PTPRN2: variants seen among roughly 807,000 people sequenced by gnomAD.
PTPRN2 encodes receptor-type tyrosine-protein phosphatase N2.
Under a neutral mutation model 118.8 loss-of-function variants are expected in PTPRN2, and 74 were observed. The observed-to-expected ratio is 0.62, with a 90% CI of 0.52 to 0.76. The LOEUF (loss-of-function observed/expected upper bound fraction) is 0.76, where lower values mean the gene tolerates loss of function less well. Ranked by LOEUF, PTPRN2 falls within the 30% of genes least tolerant of loss-of-function variation. The pLI is 0.00. For missense variants in PTPRN2, 1,481 were observed against 1,394.4 expected (o/e 1.06, Z -0.99); for synonymous variants, 641 against 608.0 (o/e 1.05, Z -0.80).
intron 2 of PTPRN2, among the ~76,000 whole-genome samples, chr7:158,371,156 G>C (rs1809958596): frequency 6.6e-6 from 1 of 152,114 alleles, no homozygotes; most frequent in African/African-American, 2.4e-5. Context: ...CCCACAGTGT[G>C]GACAAGGATA....
intron 12 of PTPRN2, among the ~76,000 whole-genome samples, chr7:157,696,939 T>G: frequency 8.6e-6 from 1 of 116,028 alleles, no homozygotes; most frequent in African/African-American, 3.3e-5. Flanking sequence ...CGTCTACTCA[T>G]GCATACTGGG....
intron 12 of PTPRN2, among the ~76,000 whole-genome samples, chr7:157,782,265 C>G (rs1803726127): frequency 6.6e-6 from 1 of 152,250 alleles, no homozygotes; most frequent in South Asian, 2.1e-4. Context: ...GAGCTCAGCC[C>G]TGGCACAGGC....
chr7:158,434,119 T>C (rs1816413894), intron 2 of PTPRN2, among the ~76,000 whole-genome samples: 1 of 152,210 alleles, frequency 6.6e-6, no homozygotes, highest in African/African-American at 2.4e-5. Flanking sequence ...GTCTAATAGA[T>C]GGTCATTTTC....
intron 12 of PTPRN2, among the ~76,000 whole-genome samples, chr7:157,800,383 G>A (rs1174265344): frequency 2.0e-5 from 3 of 152,070 alleles, no homozygotes; most frequent in Non-Finnish European, 4.4e-5. Flanking sequence ...TCCCTTCTCC[G>A]CGACAAGGGG....
chr7:158,183,168 T>G (rs532375039), intron 5 of PTPRN2, among the ~76,000 whole-genome samples: 1 of 152,338 alleles, frequency 6.6e-6, no homozygotes, highest in East Asian at 1.9e-4. Flanking sequence ...TACCTTAACT[T>G]TATATGCATC....
intron 2 of PTPRN2, among the ~76,000 whole-genome samples, chr7:158,351,506 T>A (rs1483535736): frequency 6.6e-6 from 1 of 151,988 alleles, no homozygotes; most frequent in Non-Finnish European, 1.5e-5. Context: ...TTTGTGAAAG[T>A]AAGTGGCCTT....
chr7:157,708,723 G>A (rs1194528938), intron 12 of PTPRN2, among the ~76,000 whole-genome samples: 3 of 152,166 alleles, frequency 2.0e-5, no homozygotes, highest in Admixed American at 6.5e-5. Context: ...AAACGCAGCC[G>A]TGACGGCACT....
intron 13 of PTPRN2, among the ~76,000 whole-genome samples, chr7:157,667,364 G>A (rs1166413484): frequency 6.7e-6 from 1 of 150,326 alleles, no homozygotes. Flanking sequence ...TCAGGTGGGT[G>A]CAACGAGTAC....
chr7:158,516,153 C>T lies in PTPRN2; in HGVS notation c.113-26368G>A, dbSNP rs1008521105. 4.6e-5 allele frequency among the ~76,000 whole-genome samples: 7 copies of T among 152,260 alleles called. No homozygotes were observed. The East Asian group carries it at 1.2e-3, about 25-fold the overall frequency. On this transcript the variant is annotated intron_variant, in intron 1 of 22. Transcript: ENST00000389418. The stretch of plus-strand genomic sequence containing the variant: ...TCCATAGCATTAAGTAATTTACCTT[C>T]CAATTCATTCTCCTCTCTCCTACAA...
chr7:158,490,491 G>A (rs912709845), intron 1 of PTPRN2, among the ~76,000 whole-genome samples: 1 of 152,196 alleles, frequency 6.6e-6, no homozygotes, highest in African/African-American at 2.4e-5. Context: ...CCCCGCGGCC[G>A]AGCAGGCTGG....
At chr7:158,224,106 C>G (rs937403269) in intron 3 of PTPRN2, among the ~76,000 whole-genome samples, 8 of 152,018 alleles carry the variant, frequency 5.3e-5, no homozygotes, top group African/African-American at 1.9e-4. Context: ...TGAAAGAAAC[C>G]AAAGATCAAA....
At chr7:158,474,760 G>A (rs1820123423) in intron 2 of PTPRN2, among the ~76,000 whole-genome samples, 2 of 152,204 alleles carry the variant, frequency 1.3e-5, no homozygotes, top group Admixed American at 1.3e-4. Context: ...TAAGAGGCGG[G>A]TGACCGTCTG....
intron 12 of PTPRN2, among the ~76,000 whole-genome samples, chr7:157,815,689 C>A (rs1394740120): frequency 6.6e-6 from 1 of 152,188 alleles, no homozygotes; most frequent in Non-Finnish European, 1.5e-5. Flanking sequence ...GAGAGCCACC[C>A]ACATCCAAGG....
chr7:158,509,008 G>A lies in PTPRN2; in HGVS notation c.113-19223C>T, dbSNP rs1306253861. Among the ~76,000 whole-genome samples, 5 of 152,140 alleles carry A rather than the reference G, an allele frequency of 3.3e-5. No individual in the cohort carries two copies. In the East Asian group the frequency reaches 5.8e-4, roughly 18 times the overall value. On this transcript the variant is annotated intron_variant, in intron 1 of 22. Coordinates refer to ENST00000389418, the MANE Select transcript of PTPRN2 (RefSeq NM_002847.5). This position sits in a 1 kb window ranked among gnomAD's most constrained non-coding sequence, Gnocchi z 4.4. ...CAGGAAGCTGAGCTCACAAGGGGTC[G>A]GATTGCAAGATCTCTTCAGAGGTGG...
intron 9 of PTPRN2, among the ~76,000 whole-genome samples, chr7:158,132,749 C>G (rs1818469126): frequency 6.6e-6 from 1 of 151,376 alleles, no homozygotes; most frequent in Non-Finnish European, 1.5e-5. Context: ...ATACACTATA[C>G]ACACACGCAC....
Position 158,449,907 on chromosome 7 carries a change from G to A in PTPRN2, c.163+39828C>T, listed in dbSNP as rs545986678. Among the ~76,000 whole-genome samples the A allele has an allele frequency of 5.9e-5, 9 of 152,356 alleles. No homozygotes were observed. In the South Asian group the frequency reaches 1.9e-3, roughly 32 times the overall value. ...AGCTACAACACAAAACGTTGCTGTAGTACAGACGAATCCAAGGTGGCCACA... is the reference window on the plus strand; with the variant it reads ...AGCTACAACACAAAACGTTGCTGTAATACAGACGAATCCAAGGTGGCCACA... On this transcript the variant is annotated intron_variant, in intron 2 of 22. Transcript: ENST00000389418.
At chr7:157,592,489 C>G (rs1801037966) in intron 17 of PTPRN2, among the ~76,000 whole-genome samples, 1 of 151,980 alleles carries the variant, frequency 6.6e-6, no homozygotes, top group African/African-American at 2.4e-5. Context: ...GTGGCACCTG[C>G]TGAACGGAGG....
intron 5 of PTPRN2, 75 bp downstream of exon 5, chr7:158,192,252 T>C (rs933039541): frequency 6.6e-6 from 9 of 1,362,298 alleles, no homozygotes; most frequent in Middle Eastern, 2.7e-4. Context: ...AGCCAGCGAC[T>C]AAGGAAACAT....
At chr7:158,469,467 A>T (rs577618168) in intron 2 of PTPRN2, among the ~76,000 whole-genome samples, 1 of 152,228 alleles carries the variant, frequency 6.6e-6, no homozygotes, top group South Asian at 2.1e-4. Context: ...CAACAACAAC[A>T]CTAGTCCACA....
Sources: gnomAD v4.1 joint callset for allele counts (sites outside exome capture counted in the v4.1 genomes callset) on GRCh38, gnomAD v4.1.1 for gene constraint, Gnocchi (gnomAD v3.1) non-coding constraint, MANE v1.5 for transcripts, NCBI Gene and HGNC (gene_info 2026-07-23, HGNC 2026-07-21) for gene names.